The following SPAG17 variants were observed in gnomAD, a reference collection of about 807,000 sequenced individuals.
SPAG17 encodes sperm-associated antigen 17.
In SPAG17, 169 loss-of-function variants were observed where a neutral mutation model predicts 273.6. The ratio of observed to expected loss-of-function variants is 0.62; its 90% confidence interval spans 0.55 to 0.70. SPAG17 has a LOEUF of 0.70. Ranked by LOEUF, SPAG17 falls within the 30% of genes least tolerant of loss-of-function variation. SPAG17 has a pLI of 0.00. For missense variants in SPAG17, 2,557 were observed against 2,627.8 expected (o/e 0.97, Z 0.59); for synonymous variants, 825 against 873.2 (o/e 0.94, Z 0.97).
chr1:118,030,351 C>A (rs954866483), intron 25 of SPAG17, among the ~76,000 whole-genome samples: 1 of 151,504 alleles, frequency 6.6e-6, no homozygotes, highest in African/African-American at 2.4e-5. Flanking sequence ...GTAGTAAGTA[C>A]CAATAGTCAA....
intron 29 of SPAG17, 98 bp from the exon 30 acceptor site, chr1:118,012,470 T>C (rs1659580411): frequency 3.7e-6 from 5 of 1,360,204 alleles, no homozygotes; most frequent in African/African-American, 1.5e-5. Context: ...ACCATCAAAG[T>C]CCTAGTTATT....
intron 45 of SPAG17, among the ~76,000 whole-genome samples, chr1:117,970,562 G>A (rs1466140190): frequency 1.3e-5 from 2 of 152,182 alleles, no homozygotes; most frequent in African/African-American, 4.8e-5. Context: ...TTGAGGAGAG[G>A]AGAAACAGAA....
At chr1:118,152,800 G>T (rs915581170) in intron 1 of SPAG17, among the ~76,000 whole-genome samples, 2 of 152,140 alleles carry the variant, frequency 1.3e-5, no homozygotes, top group Admixed American at 1.3e-4. Flanking sequence ...GATATGATAT[G>T]TATAATGTGT....
intron 2 of SPAG17, 95 bp downstream of exon 2, chr1:118,151,134 C>G (rs1659353846): frequency 1.8e-6 from 2 of 1,099,562 alleles, no homozygotes; most frequent in Non-Finnish European, 2.4e-6. Context: ...ATTTACAAAA[C>G]AGCCCAAGAA....
chr1:117,975,938 T>C (rs1402074056), intron 43 of SPAG17, among the ~76,000 whole-genome samples: 1 of 152,250 alleles, frequency 6.6e-6, no homozygotes, highest in Non-Finnish European at 1.5e-5. Context: ...TATCATGAGC[T>C]GGACACTGTG....
chr1:118,125,617 C>T (rs373422148), intron 3 of SPAG17, among the ~76,000 whole-genome samples: 1 of 152,164 alleles, frequency 6.6e-6, no homozygotes, highest in Non-Finnish European at 1.5e-5. Context: ...TGAGTAAGAA[C>T]ATGTGGTATT....
intron 1 of SPAG17, among the ~76,000 whole-genome samples, chr1:118,178,016 C>G (rs1660774691): frequency 1.3e-5 from 2 of 152,124 alleles, no homozygotes; most frequent in South Asian, 4.1e-4. Context: ...CAATTCTACT[C>G]AAATTCTTCA....
At chr1:118,012,922 C>T (rs954407087) in intron 29 of SPAG17, among the ~76,000 whole-genome samples, 1 of 152,126 alleles carries the variant, frequency 6.6e-6, no homozygotes, top group Admixed American at 6.6e-5. Flanking sequence ...TGCTCAGTGC[C>T]GCTGCATGCC....
intron 41 of SPAG17, 25 bp from the exon 42 acceptor site, chr1:117,983,938 T>A (rs1656119378): frequency 1.6e-6 from 2 of 1,279,288 alleles, no homozygotes; most frequent in Non-Finnish European, 1.1e-6. Context: ...AAACTTATTT[T>A]AGACTTATAC....
chr1:118,044,429 G>C (rs1650116169), intron 20 of SPAG17, among the ~76,000 whole-genome samples: 1 of 151,676 alleles, frequency 6.6e-6, no homozygotes, highest in Non-Finnish European at 1.5e-5. Flanking sequence ...AGGTTGCAGT[G>C]AGCCGAGATC....
chr1:118,094,554 A>C (rs1048944252), intron 7 of SPAG17, among the ~76,000 whole-genome samples: 8 of 152,224 alleles, frequency 5.3e-5, no homozygotes, highest in African/African-American at 1.9e-4. Flanking sequence ...GGCTCCTTGG[A>C]TGGATCCTAT....
At chr1:117,959,576 A>G in intron 48 of SPAG17, 1 of 1,048,044 alleles carries the variant, frequency 9.5e-7, no homozygotes. Flanking sequence ...TGATATCAGG[A>G]TGTGGTTTCC....
intron 44 of SPAG17, 122 bp downstream of exon 44, chr1:117,973,303 A>G: frequency 7.7e-7 from 1 of 1,304,594 alleles, no homozygotes; most frequent in Non-Finnish European, 1.1e-6. Context: ...GGAAACTAAT[A>G]ACTTCAATGA....
chr1:118,021,388 GGTGTTTGGTGGGGTAGT>G (rs1660484671), intron 28 of SPAG17, among the ~76,000 whole-genome samples: 1 of 152,080 alleles, frequency 6.6e-6, no homozygotes, highest in Non-Finnish European at 1.5e-5. Flanking sequence ...GTGGTTCCCA[GGTGTTTGGTGGGGTAGT>G]GTGTGTGTGG....
intron 40 of SPAG17, among the ~76,000 whole-genome samples, chr1:117,986,381 C>A (rs905521369): frequency 6.6e-6 from 1 of 152,138 alleles, no homozygotes; most frequent in Non-Finnish European, 1.5e-5. Flanking sequence ...CTGACATTTG[C>A]TGACCAGCTT....
chr1:118,040,664 G>A, intron 22 of SPAG17, 66 bp downstream of exon 22: 1 of 1,066,396 alleles, frequency 9.4e-7, no homozygotes, highest in Non-Finnish European at 1.5e-6. Context: ...AGGAGTAGAG[G>A]GCCCCTGGTT....
At position 117,994,546 on chromosome 1, in the gene SPAG17, T is replaced by C; in HGVS notation, c.5054-16A>G. ...GTTAGGGTGCCTGGTTCAAAGAAAGTTGTCAGAAGACCATTACCCATTGAA... is the reference window on the plus strand; with the variant it reads ...GTTAGGGTGCCTGGTTCAAAGAAAGCTGTCAGAAGACCATTACCCATTGAA... On this transcript the variant is annotated splice_polypyrimidine_tract_variant and intron_variant, in intron 34 of 48. Coordinates refer to ENST00000336338, the MANE Select transcript of SPAG17 (RefSeq NM_206996.4). 1 of 1,600,170 alleles carries C rather than the reference T, an allele frequency of 6.2e-7. No homozygotes were observed. Among genetic ancestry groups the C allele is most frequent in the Non-Finnish European group, 8.5e-7 (1 of 1,175,064 alleles).
At chr1:118,099,149 C>A (rs112554724) in intron 6 of SPAG17, among the ~76,000 whole-genome samples, 3 of 152,228 alleles carry the variant, frequency 2.0e-5, no homozygotes, top group African/African-American at 7.2e-5. Context: ...TAGTCTAAGG[C>A]TAGGAAGATA....
In SPAG17 at chr1:118,015,271, C is replaced by CAAA. The variant is rs757554740; in HGVS notation, c.4287+691_4287+693dup. Among the ~76,000 whole-genome samples, 523 of 80,162 alleles carry CAAA rather than the reference C, an allele frequency of 6.5e-3. 5 individuals carry two copies. Among genetic ancestry groups the CAAA allele is most frequent in the African/African-American group, 0.023 (501 of 22,172 alleles). The allele number at this position is 80,162 out of a possible 152,430, so 52.6% of individuals were successfully genotyped here. On this transcript the variant is annotated intron_variant, in intron 29 of 48. Transcript: ENST00000336338. Reference sequence around the variant, plus strand: ...GGGCGACAACAGCAAACCTCTGTGTCAAAAAAAAAAAAAAAAAAAATCCTG... The same window carrying CAAA: ...GGGCGACAACAGCAAACCTCTGTGTCAAAAAAAAAAAAAAAAAAAAAAATCCTG...
Sources: allele counts gnomAD v4.1 joint callset (sites outside exome capture counted in the v4.1 genomes callset), GRCh38; gene constraint gnomAD v4.1.1; transcripts MANE v1.5; gene names NCBI Gene and HGNC (gene_info 2026-07-23, HGNC 2026-07-21).